UTRN: variants seen among roughly 807,000 people sequenced by gnomAD.
UTRN encodes utrophin, also known as dystrophin-related protein 1.
UTRN carries 283 observed loss-of-function variants against 463.9 expected under a neutral mutation model. The ratio of observed to expected loss-of-function variants is 0.61; its 90% CI spans 0.55 to 0.67. UTRN has a LOEUF of 0.67. Among genes scored for constraint, UTRN ranks in the 30% least tolerant of loss-of-function variants. UTRN has a pLI of 0.00. For missense variants in UTRN, 3,922 were observed against 4,084.3 expected, an observed-to-expected ratio of 0.96 and a Z score of 1.08; for synonymous variants, 1,442 against 1,431.5, an observed-to-expected ratio of 1.01 and a Z score of -0.17.
chr6:144,300,671 G>C (rs963921146), intron 2 of UTRN, among the ~76,000 whole-genome samples: 1 of 152,184 alleles, frequency 6.6e-6, no homozygotes, highest in African/African-American at 2.4e-5. Flanking sequence ...TCCTCAGGCA[G>C]TTTTAAGATT....
At chr6:144,637,787 T>C (rs1385171979) in intron 51 of UTRN, among the ~76,000 whole-genome samples, 1 of 152,232 alleles carries the variant, frequency 6.6e-6, no homozygotes. Flanking sequence ...AGCTCCAGGC[T>C]CATTTACACT....
intron 51 of UTRN, among the ~76,000 whole-genome samples, chr6:144,615,020 A>G (rs1805936204): frequency 6.6e-6 from 1 of 152,180 alleles, no homozygotes; most frequent in Non-Finnish European, 1.5e-5. Context: ...TTTATAGGGT[A>G]TAAAATACTT....
rs199953537 is a variant in UTRN, at chr6:144,672,641, G to GT, written c.7480-5759dup. ...GCTCTTTGTTTCACTTACTTTTTGTGTTTTTTGTTTGTTTGTTTCACTTTC... is the reference window on the plus strand; with the variant it reads ...GCTCTTTGTTTCACTTACTTTTTGTGTTTTTTTGTTTGTTTGTTTCACTTTC... On this transcript the variant is annotated intron_variant, in intron 51 of 74. Coordinates refer to ENST00000367545, the MANE Select transcript of UTRN (RefSeq NM_007124.3). Among the ~76,000 whole-genome samples, 694 of 151,926 alleles carry GT rather than the reference G, an allele frequency of 4.6e-3. 5 individuals carry two copies. The highest frequency in any genetic ancestry group is 6.2e-3 in the Non-Finnish European group (419 of 67,852).
At chr6:144,758,208 T>C in intron 58 of UTRN, 2 of 357,082 alleles carry the variant, frequency 5.6e-6, no homozygotes, top group Non-Finnish European at 1.0e-5. Context: ...CTGATATATT[T>C]TAAAGTAGAG....
chr6:144,841,080 TA>T (rs925106502), intron 73 of UTRN, among the ~76,000 whole-genome samples: 25 of 152,312 alleles, frequency 1.6e-4, no homozygotes, highest in African/African-American at 5.5e-4. Flanking sequence ...TGATGGGTGA[TA>T]AAATGAAAGC....
chr6:144,660,442 G>A (rs998234715), intron 51 of UTRN, among the ~76,000 whole-genome samples: 2 of 151,954 alleles, frequency 1.3e-5, no homozygotes, highest in African/African-American at 2.4e-5. Flanking sequence ...CAAGTAAAGG[G>A]CTAATTAGCA....
intron 2 of UTRN, among the ~76,000 whole-genome samples, chr6:144,372,746 G>A (rs754789775): frequency 1.3e-5 from 2 of 152,050 alleles, no homozygotes; most frequent in African/African-American, 2.4e-5. Context: ...CAGGTGATAT[G>A]CTCACCTTAG....
chr6:144,699,399 C>T, intron 52 of UTRN, among the ~76,000 whole-genome samples: 1 of 149,362 alleles, frequency 6.7e-6, no homozygotes, highest in South Asian at 2.1e-4. Context: ...GAGATTGCGC[C>T]ACTGCACTCC....
Position 144,437,754 on chromosome 6 carries a change from G to T in UTRN, c.1241+8G>T. 6.2e-7 allele frequency: 1 copy of T among 1,602,700 alleles called. No individual in the cohort carries two copies. Among genetic ancestry groups the T allele is most frequent in the Non-Finnish European group, 8.5e-7 (1 of 1,175,410 alleles). On this transcript the variant is annotated splice_region_variant and intron_variant, in intron 11 of 74. Coordinates refer to ENST00000367545, the MANE Select transcript of UTRN (RefSeq NM_007124.3). The stretch of plus-strand genomic sequence containing the variant: ...TATGGACAGACAGTCCCGGTGAGTG[G>T]AAAGCCAAGAAATGCACTTAATTCC...
chr6:144,681,684 G>A (rs1003408758), intron 52 of UTRN, among the ~76,000 whole-genome samples: 2 of 152,034 alleles, frequency 1.3e-5, no homozygotes, highest in African/African-American at 4.8e-5. Context: ...GAACTCATCT[G>A]TGAAGGGAAG....
chr6:144,716,725 A>G (rs80241114), intron 53 of UTRN, among the ~76,000 whole-genome samples: 5,064 of 152,184 alleles, frequency 0.033, 265 homozygotes, highest in African/African-American at 0.11. Flanking sequence ...TCCTTTTTGC[A>G]TATTTACCTT....
intron 2 of UTRN, among the ~76,000 whole-genome samples, chr6:144,333,882 G>A (rs912545104): frequency 6.6e-6 from 1 of 152,072 alleles, no homozygotes; most frequent in Non-Finnish European, 1.5e-5. Context: ...CATTCGTTCA[G>A]TAAATATCTC....
intron 52 of UTRN, among the ~76,000 whole-genome samples, chr6:144,682,852 C>T (rs180760776): frequency 6.6e-6 from 1 of 152,124 alleles, no homozygotes; most frequent in Non-Finnish European, 1.5e-5. Flanking sequence ...AATGGTGGCA[C>T]GTGGTATGTG....
At chr6:144,322,629 T>C (rs1466972273) in intron 2 of UTRN, among the ~76,000 whole-genome samples, 1 of 152,050 alleles carries the variant, frequency 6.6e-6, no homozygotes, top group African/African-American at 2.4e-5. Context: ...GTGGGCAAAG[T>C]GTAGGAGAAA....
At chr6:144,418,477 C>T (rs1192681415) in intron 3 of UTRN, among the ~76,000 whole-genome samples, 1 of 151,844 alleles carries the variant, frequency 6.6e-6, no homozygotes, top group African/African-American at 2.4e-5. Context: ...CCCGCCTCGG[C>T]CTCCTAAAGT....
intron 51 of UTRN, among the ~76,000 whole-genome samples, chr6:144,631,235 GA>G (rs1441303926): frequency 1.9e-4 from 21 of 108,724 alleles, no homozygotes; most frequent in Middle Eastern, 4.6e-3. Context: ...GTGAGAGAGA[GA>G]GGTGTGTGTG....
At chr6:144,424,737 A>G (rs1385989976) in intron 6 of UTRN, among the ~76,000 whole-genome samples, 3 of 152,112 alleles carry the variant, frequency 2.0e-5, no homozygotes, top group Non-Finnish European at 2.9e-5. Flanking sequence ...TTTCACTCAC[A>G]TTTCCTAAAT....
chr6:144,684,544 A>G (rs1263611314), intron 52 of UTRN, among the ~76,000 whole-genome samples: 1 of 152,142 alleles, frequency 6.6e-6, no homozygotes, highest in African/African-American at 2.4e-5. Context: ...GGCATCCCTG[A>G]GATAATCAAT....
intron 25 of UTRN, among the ~76,000 whole-genome samples, chr6:144,477,872 TATCTATC>T (rs1562460944): frequency 6.7e-5 from 8 of 120,288 alleles, no homozygotes; most frequent in South Asian, 2.8e-4. Context: ...TTTGTATCTC[TATCTATC>T]TATCTATCTA....
Sources: gnomAD v4.1 joint callset for allele counts (sites outside exome capture counted in the v4.1 genomes callset) on GRCh38, gnomAD v4.1.1 for gene constraint, MANE v1.5 for transcripts, NCBI Gene and HGNC (gene_info 2026-07-23, HGNC 2026-07-21) for gene names.